The following USP19 variants were observed in gnomAD, a reference collection of about 807,000 sequenced individuals.
USP19 encodes ubiquitin carboxyl-terminal hydrolase 19.
USP19 carries 40 observed loss-of-function variants against 144.8 expected under a neutral mutation model. The observed-to-expected ratio is 0.28, with a 90% confidence interval of 0.21 to 0.36. USP19 has a LOEUF of 0.36. USP19 is among the 10% of genes least tolerant of loss of function. The pLI is 1.00. For missense variants in USP19, 1,518 were observed against 1,822.5 expected, an observed-to-expected ratio of 0.83 and a Z score of 3.04; for synonymous variants, 701 against 709.3, an observed-to-expected ratio of 0.99 and a Z score of 0.19.
In USP19 at chr3:49,116,192, A is replaced by G. The variant is rs748430976; in HGVS notation, c.1356-30T>C. 1.2e-6 allele frequency: 2 copies of G among 1,613,768 alleles called. No homozygotes were observed. Among genetic ancestry groups the G allele is most frequent in the Non-Finnish European group, 8.5e-7 (1 of 1,179,886 alleles). On this transcript the variant is annotated intron_variant, in intron 9 of 26. Coordinates refer to ENST00000417901, the MANE Select transcript of USP19 (RefSeq NM_001199161.2). This position sits in a 1 kb window ranked among gnomAD's most constrained non-coding sequence, Gnocchi z 5.0. ...GGGAAAAGGCTGAACTCAGGGACTT[A>G]GGAGGAATGAGCATCAGGATAGATG...
At chr3:49,119,481 G>C (rs1047924341) in intron 1 of USP19, among the ~76,000 whole-genome samples, 200 bp from the exon 2 acceptor site, 5 of 152,204 alleles carry the variant, frequency 3.3e-5, no homozygotes, top group Admixed American at 6.5e-5. Flanking sequence ...AAGCCTCATA[G>C]ATACCCACCA....
rs765175721 is a variant in USP19, at chr3:49,119,178, C to T, written c.-33G>A. ...CGCTTGGTCGACAGCCAGAGTGCCC[C>T]GGGGTCGGCAACAGCGTCTGGGTCA... On this transcript the variant is annotated 5_prime_UTR_variant, in exon 2 of 27. Transcript: ENST00000417901. 34 of 1,600,310 alleles carry T rather than the reference C, an allele frequency of 2.1e-5. No homozygotes were observed. The highest frequency in any genetic ancestry group is 4.5e-5 in the East Asian group (2 of 44,630).
rs1475591299 is a variant in USP19 at position 49,119,106 on chromosome 3, G to A, written c.40C>T (p.Pro14Ser). The change falls in exon 2 of 27, where the codon CCC (proline) becomes TCC (serine). Residue 14 changes from proline (P) to serine (S), a missense_variant. Coordinates refer to ENST00000417901, the MANE Select transcript of USP19 (RefSeq NM_001199161.2). ...CTAGTGGTGTCCTCCAGTCCTGGGG[G>A]CCCTCTCCTTGGGCCTGTGGCACTG... ...GASATGPRRG[P>S]PGLEDTTSKK... The A allele has an allele frequency of 5.6e-6, 9 of 1,613,680 alleles. No individual in the cohort carries two copies. In the East Asian group the frequency reaches 8.9e-5, roughly 16 times the overall value.
In USP19 at chr3:49,119,156, T is replaced by C. The variant is rs768569873; in HGVS notation, c.-11A>G. ...GGCCCCGCCAGACATCTTGAGCCGC[T>C]TGGTCGACAGCCAGAGTGCCCCGGG... On this transcript the variant is annotated 5_prime_UTR_variant, in exon 2 of 27. Coordinates refer to ENST00000417901, the MANE Select transcript of USP19 (RefSeq NM_001199161.2). The C allele has an allele frequency of 2.0e-5, 32 of 1,609,358 alleles. No individual in the cohort carries two copies. In the East Asian group the frequency reaches 3.6e-4, roughly 18 times the overall value.
In USP19 at chr3:49,117,738, G is replaced by A. The variant is rs1216030146; in HGVS notation, c.391C>T (p.Leu131Phe). ...TGCAGGGGACCTACTCCCACACGAA[G>A]CTTGACAATCACCTCTTCTGCACTC... ...RQSAEEVIVKLRVGVGPLQLE... is the reference protein window; with the variant it reads ...RQSAEEVIVKFRVGVGPLQLE... Residue 131 changes from leucine (L) to phenylalanine (F), a missense_variant, in exon 4 of 27, where the codon CTT becomes TTT. By Grantham distance (22) the Leu-to-Phe change is conservative (BLOSUM62 0). Coordinates refer to ENST00000417901, the MANE Select transcript of USP19 (RefSeq NM_001199161.2). This position sits in a 1 kb window ranked among gnomAD's most constrained non-coding sequence, Gnocchi z 4.4. 2 of 1,614,036 alleles carry A rather than the reference G, an allele frequency of 1.2e-6. No individual in the cohort carries two copies. The highest frequency in any genetic ancestry group is 1.7e-6 in the Non-Finnish European group (2 of 1,180,042).
rs762321698 is a variant in USP19 at position 49,112,096 on chromosome 3, T to C, written c.2766-48A>G. ...GATAGGCCCTTAGCCCCATCTCCTATGACTCCATACTGGGGGCTAGTCATA... is the reference window on the plus strand; with the variant it reads ...GATAGGCCCTTAGCCCCATCTCCTACGACTCCATACTGGGGGCTAGTCATA... On this transcript the variant is annotated intron_variant, in intron 19 of 26. Transcript: ENST00000417901. This position sits in a 1 kb window ranked among gnomAD's most constrained non-coding sequence, Gnocchi z 4.9. 19 of 1,603,960 alleles carry C rather than the reference T, an allele frequency of 1.2e-5. No homozygotes were observed. Among genetic ancestry groups the C allele is most frequent in the Non-Finnish European group, 1.5e-5 (18 of 1,174,250 alleles).
chr3:49,109,222 G>A (rs930730141), intron 26 of USP19: 6 of 1,425,566 alleles, frequency 4.2e-6, no homozygotes, highest in South Asian at 1.5e-5. Context: ...CACCCCGGGG[G>A]TGGGGAGGAC....
In USP19 at chr3:49,116,196, G is replaced by A; in HGVS notation, c.1356-34C>T. The stretch of plus-strand genomic sequence containing the variant: ...AAAGGCTGAACTCAGGGACTTAGGA[G>A]GAATGAGCATCAGGATAGATGAGCC... On this transcript the variant is annotated intron_variant, in intron 9 of 26. Coordinates refer to ENST00000417901, the MANE Select transcript of USP19 (RefSeq NM_001199161.2). This position sits in a 1 kb window ranked among gnomAD's most constrained non-coding sequence, Gnocchi z 5.0. 6.2e-7 allele frequency: 1 copy of A among 1,613,874 alleles called. No homozygotes were observed. Among genetic ancestry groups the A allele is most frequent in the Non-Finnish European group, 8.5e-7 (1 of 1,179,872 alleles).
In USP19 at chr3:49,110,249, G is replaced by A; in HGVS notation, c.3973C>T (p.Pro1325Ser). ...RRRNSPVERP[P>S]RAGHSEHHPD... ...TGGTGCTCAGAGTGACCTGCCCTGG[G>A]GGGCCTCTCCACAGGAGAGTTCCGC... Residue 1325 changes from proline (P) to serine (S), a missense_variant, in exon 26 of 27, where the codon CCC (proline) becomes TCC (serine). Transcript: ENST00000417901. The surrounding 1 kb of genome is among the most constrained non-coding windows in gnomAD (Gnocchi z 6.1). 6.3e-7 allele frequency: 1 copy of A among 1,595,966 alleles called. No homozygotes were observed.
rs1575486064 is a variant in USP19 at position 49,117,030 on chromosome 3, T to G, written c.909+29A>C. ...GTGCACACCCTTTCCCCCCATCTCC[T>G]AACACCCAAACAGGTGCCCAGCTCT... is the stretch of plus-strand genomic sequence containing the variant. On this transcript the variant is annotated intron_variant, in intron 6 of 26. Transcript: ENST00000417901. This position sits in a 1 kb window ranked among gnomAD's most constrained non-coding sequence, Gnocchi z 4.4. 5.9e-6 allele frequency: 9 copies of G among 1,527,762 alleles called. No individual in the cohort carries two copies. The East Asian group carries it at 2.2e-4, about 37-fold the overall frequency. 94.6% of individuals were successfully genotyped at this position (1,527,762 alleles called of 1,614,324 possible). A position where few individuals can be genotyped will look rare whatever the true frequency, so the allele number is the denominator to read the frequency against.
rs949201665 is a variant in USP19 at position 49,111,529 on chromosome 3, G to A, written c.3188C>T (p.Pro1063Leu). The A allele has an allele frequency of 3.7e-6, 6 of 1,612,122 alleles. No individual in the cohort carries two copies. Among genetic ancestry groups the A allele is most frequent in the Non-Finnish European group, 5.1e-6 (6 of 1,180,002 alleles). ...ASGPIEVGSLPAGERVSRPEA... is the reference protein window; with the variant it reads ...ASGPIEVGSLLAGERVSRPEA... ...GGGTCGGGACACCCTCTCGCCAGCT[G>A]GCAAGGAGCCAACCTCAATGGGCCC... The change falls in exon 21 of 27, where the codon CCA (proline) becomes CTA (leucine). Residue 1063 changes from proline to leucine, a missense_variant. Pro to Leu is a moderately conservative substitution (Grantham distance 98, BLOSUM62 -3). Around this residue, in one of 5 missense-constraint regions of USP19, gnomAD observed 413 missense variants for 515.8 expected, o/e 0.80. Coordinates refer to ENST00000417901, the MANE Select transcript of USP19 (RefSeq NM_001199161.2). This position sits in a 1 kb window ranked among gnomAD's most constrained non-coding sequence, Gnocchi z 5.9.
chr3:49,112,224 G>A lies in USP19; in HGVS notation c.2765+60C>T. 6.4e-7 allele frequency: 1 copy of A among 1,562,978 alleles called. No homozygotes were observed. Among genetic ancestry groups the A allele is most frequent in the Non-Finnish European group, 8.7e-7 (1 of 1,154,002 alleles). On this transcript the variant is annotated intron_variant, in intron 19 of 26. Coordinates refer to ENST00000417901, the MANE Select transcript of USP19 (RefSeq NM_001199161.2). The surrounding 1 kb of genome is among the most constrained non-coding windows in gnomAD (Gnocchi z 4.9). ...ATATGTGCCTTGGTGTGAAGGGAAG[G>A]AGCAGGGTGGCACATGGAAGGTGGA...
At chr3:49,109,108 C>T in intron 26 of USP19, 1 of 1,569,722 alleles carries the variant, frequency 6.4e-7, no homozygotes, top group Non-Finnish European at 8.6e-7. Context: ...AGTCTTGGGG[C>T]CCCCAGGGAC....
At chr3:49,113,899 G>T in intron 17 of USP19, 93 bp downstream of exon 17, 1 of 1,363,154 alleles carries the variant, frequency 7.3e-7, no homozygotes, top group Non-Finnish European at 1.0e-6. Flanking sequence ...CAGCCCATGT[G>T]TATGTCTGTA....
At position 49,110,938 on chromosome 3, in the gene USP19, C is replaced by T. The variant is rs751845381; in HGVS notation, c.3545+12G>A. 5.6e-6 allele frequency: 9 copies of T among 1,614,076 alleles called. No individual in the cohort carries two copies. The highest frequency in any genetic ancestry group is 1.6e-4 in the Middle Eastern group (1 of 6,062). On this transcript the variant is annotated intron_variant, in intron 23 of 26. Coordinates refer to ENST00000417901, the MANE Select transcript of USP19 (RefSeq NM_001199161.2). The surrounding 1 kb of genome is among the most constrained non-coding windows in gnomAD (Gnocchi z 6.1). ...ATCCTGCCCCCTTATCTACTTGCTGCTCTGTTCTCACCAGGCCTCCTCGGG... is the reference window on the plus strand; with the variant it reads ...ATCCTGCCCCCTTATCTACTTGCTGTTCTGTTCTCACCAGGCCTCCTCGGG...
At position 49,110,375 on chromosome 3, in the gene USP19, G is replaced by A; in HGVS notation, c.3860-13C>T. On this transcript the variant is annotated splice_polypyrimidine_tract_variant and intron_variant, in intron 25 of 26. Transcript: ENST00000417901. The surrounding 1 kb of genome is among the most constrained non-coding windows in gnomAD (Gnocchi z 6.1). ...AACAAGCGCCAGCCTACAGCAGGGT[G>A]GGAAGAGTGTGAACAAAGTCTGCAC... The A allele has an allele frequency of 6.3e-7, 1 of 1,597,798 alleles. No homozygotes were observed. The highest frequency in any genetic ancestry group is 8.5e-7 in the Non-Finnish European group (1 of 1,170,166).
Position 49,111,554 on chromosome 3 carries a change from C to T in USP19, c.3163G>A (p.Gly1055Arg). The change falls in exon 21 of 27, where the codon GGG becomes AGG. Residue 1055 changes from glycine (G) to arginine (R), a missense_variant. Gly to Arg is a moderately radical substitution (Grantham distance 125, BLOSUM62 -2). This residue lies in a region of USP19 where 413 missense variants were observed against 515.8 expected (regional missense o/e 0.80). Transcript: ENST00000417901. The surrounding 1 kb of genome is among the most constrained non-coding windows in gnomAD (Gnocchi z 5.9). ...SGISSEMLAS[G>R]PIEVGSLPAG... is the part of the protein sequence containing the mutation. The stretch of plus-strand genomic sequence containing the variant: ...GGCAAGGAGCCAACCTCAATGGGCC[C>T]ACTGGCCAGCATCTCAGAAGAAATT... 6.2e-7 allele frequency: 1 copy of T among 1,612,802 alleles called. No homozygotes were observed. The highest frequency in any genetic ancestry group is 1.1e-5 in the South Asian group (1 of 91,066).
At position 49,117,760 on chromosome 3, in the gene USP19, A is replaced by C. The variant is rs774880165; in HGVS notation, c.369T>G (p.Ser123Arg). ...GAAGCTTGACAATCACCTCTTCTGC[A>C]CTCTGCCTCCAATCGAGCAACAACT... ...TPELLLDWRQ[S>R]AEEVIVKLRV... The change falls in exon 4 of 27, where the codon AGT (serine) becomes AGG (arginine). Residue 123 changes from serine (S) to arginine (R), a missense_variant. Physicochemically the swap from Ser to Arg is moderately radical, Grantham distance 110. This residue lies in a region of USP19 where 707 missense variants were observed against 728.9 expected (regional missense o/e 0.97). Coordinates refer to ENST00000417901, the MANE Select transcript of USP19 (RefSeq NM_001199161.2). The surrounding 1 kb of genome is among the most constrained non-coding windows in gnomAD (Gnocchi z 4.4). The C allele has an allele frequency of 2.5e-6, 4 of 1,614,128 alleles. No homozygotes were observed. Among genetic ancestry groups the C allele is most frequent in the Non-Finnish European group, 3.4e-6 (4 of 1,180,014 alleles).
chr3:49,113,933 C>T (rs2043630628), intron 17 of USP19, 59 bp downstream of exon 17: 1 of 1,558,792 alleles, frequency 6.4e-7, no homozygotes, highest in Non-Finnish European at 8.8e-7. Context: ...GTACACACGT[C>T]TGTGGTGAGT....
Sources: gnomAD v4.1 joint callset for allele counts (sites outside exome capture counted in the v4.1 genomes callset) on GRCh38, gnomAD v4.1.1 for gene constraint, gnomAD v4.1.1 regional missense constraint, Gnocchi (gnomAD v3.1) non-coding constraint, MANE v1.5 for transcripts, NCBI Gene and HGNC (gene_info 2026-07-23, HGNC 2026-07-21) for gene names.